Variants in ECT2 observed in about 807,000 individuals in gnomAD.
ECT2 encodes epithelial cell transforming 2.
A neutral mutation model predicts 116.9 loss-of-function variants in ECT2; 61 were observed. That is an observed-to-expected ratio of 0.52 (90% confidence interval 0.42 to 0.65). The LOEUF is 0.65. ECT2 is among the 30% of genes least tolerant of loss of function. ECT2 has a pLI of 0.00. For synonymous variants in ECT2, 358 were observed against 346.4 expected, an observed-to-expected ratio of 1.03 and a Z score of -0.37; for missense variants, 937 against 1,078.7, an observed-to-expected ratio of 0.87 and a Z score of 1.84.
chr3:172,803,003 A>G, intron 20 of ECT2, 23 bp downstream of exon 20: 1 of 1,574,556 alleles, frequency 6.4e-7, no homozygotes, highest in Non-Finnish European at 8.6e-7. Context: ...TTCACATAGT[A>G]TAATAACACT....
In ECT2 at chr3:172,755,468, GTC is replaced by G. The variant is rs1716790823; in HGVS notation, c.211-11_211-10del. On this transcript the variant is annotated splice_polypyrimidine_tract_variant and intron_variant, in intron 3 of 24. Coordinates refer to ENST00000392692, the MANE Select transcript of ECT2 (RefSeq NM_001258315.2). ...ATAGCTTTCTTAACCTCATACTTAA[GTC>G]TCTTTTCCACAGACTATTAAAATAA... 1 of 1,494,962 alleles carries G rather than the reference GTC, an allele frequency of 6.7e-7. No individual in the cohort carries two copies. 92.6% of individuals were successfully genotyped at this position (1,494,962 alleles called of 1,614,324 possible).
rs11919661 is a variant in ECT2 at position 172,761,699 on chromosome 3, C to T, written c.758+16C>T. ...GGAATGAACAGTAAGTGTTTAGAAA[C>T]TCAGTAGTTCATTATGTAAATTAAA... On this transcript the variant is annotated intron_variant, in intron 8 of 24. Coordinates refer to ENST00000392692, the MANE Select transcript of ECT2 (RefSeq NM_001258315.2). The T allele has an allele frequency of 0.012, 17,935 of 1,533,458 alleles. 1,742 individuals are homozygous for T. In the African/African-American group the frequency reaches 0.21, roughly 18 times the overall value. The allele number at this position is 1,533,458 out of a possible 1,614,324, so 95.0% of individuals were successfully genotyped here.
At chr3:172,803,956 C>A (rs1164488898) in intron 20 of ECT2, among the ~76,000 whole-genome samples, 1 of 151,970 alleles carries the variant, frequency 6.6e-6, no homozygotes. Context: ...AGACACTCGC[C>A]ACCACACCAG....
chr3:172,783,271 A>C (rs1231471074), intron 15 of ECT2, among the ~76,000 whole-genome samples: 1 of 152,144 alleles, frequency 6.6e-6, no homozygotes, highest in African/African-American at 2.4e-5. Context: ...CTTTCCTTAC[A>C]AAATAATCTC....
intron 6 of ECT2, among the ~76,000 whole-genome samples, chr3:172,759,871 G>C (rs1271528354): frequency 6.6e-6 from 1 of 152,140 alleles, no homozygotes; most frequent in Non-Finnish European, 1.5e-5. Flanking sequence ...TATTTACACA[G>C]TATGGTATTA....
At chr3:172,794,344 G>A (rs940904228) in intron 18 of ECT2, among the ~76,000 whole-genome samples, 1 of 152,144 alleles carries the variant, frequency 6.6e-6, no homozygotes, top group Non-Finnish European at 1.5e-5. Flanking sequence ...AGCAGTATTT[G>A]TTGCAAAGAG....
chr3:172,801,373 A>G (rs2109007846), intron 18 of ECT2, among the ~76,000 whole-genome samples: 2 of 152,364 alleles, frequency 1.3e-5, no homozygotes, highest in Middle Eastern at 6.8e-3. Context: ...TGTTGAGGAA[A>G]GATCTTAGTA....
At chr3:172,770,795 A>G (rs181881854) in intron 13 of ECT2, among the ~76,000 whole-genome samples, 11 of 152,318 alleles carry the variant, frequency 7.2e-5, no homozygotes, top group Admixed American at 6.5e-4. Context: ...TGCCTAATTA[A>G]TATAAAGTAC....
intron 18 of ECT2, among the ~76,000 whole-genome samples, chr3:172,801,047 C>T (rs746004199): frequency 6.6e-6 from 1 of 152,046 alleles, no homozygotes; most frequent in African/African-American, 2.4e-5. Context: ...ATCTTTCTTG[C>T]AGTTTTTAGA....
chr3:172,807,882 G>A lies in ECT2; in HGVS notation c.2358G>A (p.Met786Ile). Residue 786 changes from methionine to isoleucine, a missense_variant, in exon 22 of 25, where the codon ATG (methionine) becomes ATA (isoleucine). Physicochemically the swap from Met to Ile is conservative, Grantham distance 10. Transcript: ENST00000392692. ...TTCCAAAAGAAAACTGGCTAAAGAT[G>A]CTGTGTCGACATGTAGCTAACACCA... is the stretch of plus-strand genomic sequence containing the variant. ...DELPKENWLKMLCRHVANTIC... is the reference protein window; with the variant it reads ...DELPKENWLKILCRHVANTIC... 1 of 1,613,900 alleles carries A rather than the reference G, an allele frequency of 6.2e-7. No individual in the cohort carries two copies. Among genetic ancestry groups the A allele is most frequent in the Admixed American group, 1.7e-5 (1 of 60,008 alleles).
intron 20 of ECT2, among the ~76,000 whole-genome samples, chr3:172,804,554 C>T (rs1727329361): frequency 6.6e-6 from 1 of 152,164 alleles, no homozygotes; most frequent in African/African-American, 2.4e-5. Flanking sequence ...TTCGCATCAT[C>T]ATGGGGTTTT....
At chr3:172,761,357 T>G (rs1718257155) in intron 7 of ECT2, among the ~76,000 whole-genome samples, 1 of 152,130 alleles carries the variant, frequency 6.6e-6, no homozygotes, top group Admixed American at 6.6e-5. Flanking sequence ...AAATAGAAAT[T>G]TAATAAAGAT....
Position 172,760,270 on chromosome 3 carries a change from A to T in ECT2, c.684+7A>T. 2 of 1,580,498 alleles carry T rather than the reference A, an allele frequency of 1.3e-6. No homozygotes were observed. Among genetic ancestry groups the T allele is most frequent in the Non-Finnish European group, 1.7e-6 (2 of 1,152,710 alleles). On this transcript the variant is annotated splice_region_variant and intron_variant, in intron 7 of 24. Transcript: ENST00000392692. ...ACAAGGAGAAAAATTCAGGGTATGT[A>T]AACTTGGGTATTTTTGTGTATTTCA...
chr3:172,806,251 T>C (rs555897131), intron 21 of ECT2: 1 of 160,838 alleles, frequency 6.2e-6, no homozygotes, highest in South Asian at 1.8e-4. Flanking sequence ...ACTTTCACTG[T>C]TGGCCAACAG....
chr3:172,828,893 A>G, the ECT2 span: 57 of 1,417,338 alleles, frequency 4.0e-5, no homozygotes, highest in Admixed American at 1.0e-3. Flanking sequence ...ATAGCCAATG[A>G]TCAAGCTGCC....
At chr3:172,753,851 T>C (rs936621671) in intron 1 of ECT2, among the ~76,000 whole-genome samples, 1 of 152,146 alleles carries the variant, frequency 6.6e-6, no homozygotes, top group African/African-American at 2.4e-5. Context: ...AATTTGGACT[T>C]GGACATATAA....
rs1718909259 is a variant in ECT2, at chr3:172,764,328, C to T, written c.1119C>T (p.Thr373=). ...KKSVSMLSLN[T]PNSNRKRRRL... is the part of the protein sequence containing the mutation. ...CAGTGTCAATGCTTTCTCTAAATAC[C>T]CCTAACAGCAATCGCAAACGACGTC... Residue 373 remains threonine (T), a synonymous_variant, in exon 12 of 25, where the codon ACC becomes ACT. Transcript: ENST00000392692. 4 of 1,614,008 alleles carry T rather than the reference C, an allele frequency of 2.5e-6. No individual in the cohort carries two copies. The South Asian group carries it at 4.4e-5, about 18-fold the overall frequency.
At chr3:172,774,586 C>G (rs1249666081) in intron 14 of ECT2, among the ~76,000 whole-genome samples, 1 of 152,074 alleles carries the variant, frequency 6.6e-6, no homozygotes, top group Non-Finnish European at 1.5e-5. Flanking sequence ...ACCTCCTGGG[C>G]TCAAGTGATT....
Position 172,751,602 on chromosome 3 carries a change from C to T in ECT2, c.-23+745C>T, listed in dbSNP as rs140085681. 2.5e-3 allele frequency among the ~76,000 whole-genome samples: 382 copies of T among 151,652 alleles called. 3 individuals carry two copies. The highest frequency in any genetic ancestry group is 8.9e-3 in the African/African-American group (365 of 40,940). On this transcript the variant is annotated intron_variant, in intron 1 of 24. Coordinates refer to ENST00000392692, the MANE Select transcript of ECT2 (RefSeq NM_001258315.2). ...GTAATGTTATTGTTAATAACACCAC[C>T]ATTATATCTTGGATTGCATTTTAGT...
Sources: allele counts gnomAD v4.1 joint callset (sites outside exome capture counted in the v4.1 genomes callset), GRCh38; gene constraint gnomAD v4.1.1; transcripts MANE v1.5; gene names NCBI Gene and HGNC (gene_info 2026-07-23, HGNC 2026-07-21).